TENM2: variants seen among roughly 807,000 people sequenced by gnomAD.
The protein encoded by TENM2 is teneurin transmembrane protein 2, also known as teneurin-2.
TENM2 carries 52 observed loss-of-function variants against 245.2 expected under a neutral mutation model. That is an observed-to-expected ratio of 0.21 (90% confidence interval 0.17 to 0.27). TENM2 has a LOEUF of 0.27. Ranked by LOEUF, TENM2 falls within the 10% of genes least tolerant of loss-of-function variation. The pLI is 1.00. For missense variants in TENM2, 3,046 were observed against 3,666.8 expected (o/e 0.83, Z 4.37); for synonymous variants, 1,363 against 1,438.9 (o/e 0.95, Z 1.19).
chr5:167,525,474 G>A lies in TENM2; in HGVS notation c.502+150001G>A, dbSNP rs368168058. On this transcript the variant is annotated intron_variant, in intron 2 of 28. Coordinates refer to ENST00000518659, the Ensembl canonical transcript of TENM2. ...GCAACATATGGCTCAGCTCTACTGAGATTTGTTATCATAAAAGAATGCATG... is the reference window on the plus strand; with the variant it reads ...GCAACATATGGCTCAGCTCTACTGAAATTTGTTATCATAAAAGAATGCATG... Among the ~76,000 whole-genome samples the A allele has an allele frequency of 5.3e-5, 8 of 152,206 alleles. No individual in the cohort carries two copies. The East Asian group carries it at 1.4e-3, about 26-fold the overall frequency.
chr5:167,701,537 A>T (rs1420982884), intron 2 of TENM2, among the ~76,000 whole-genome samples: 1 of 152,188 alleles, frequency 6.6e-6, no homozygotes, highest in Non-Finnish European at 1.5e-5. Context: ...GTAATATTTG[A>T]GACCATTGAC....
chr5:167,164,522 T>C, the TENM2 span, among the ~76,000 whole-genome samples: 2 of 152,334 alleles, frequency 1.3e-5, no homozygotes, highest in African/African-American at 4.8e-5. Flanking sequence ...ACATTATAAG[T>C]ATTTAGGAAT....
chr5:167,510,774 A>T (rs1262257202), intron 2 of TENM2, among the ~76,000 whole-genome samples: 3 of 152,176 alleles, frequency 2.0e-5, no homozygotes, highest in African/African-American at 7.2e-5. Context: ...TCCACCTATG[A>T]TTATATCTAC....
intron 13 of TENM2, 139 bp from the exon 16 acceptor site, chr5:168,190,198 C>T: frequency 1.7e-6 from 1 of 599,862 alleles, no homozygotes; most frequent in Non-Finnish European, 3.0e-6. Flanking sequence ...ATGAGGCTTG[C>T]TGTGTGAAAC....
the TENM2 span, among the ~76,000 whole-genome samples, chr5:167,129,761 T>C: frequency 6.6e-6 from 1 of 152,218 alleles, no homozygotes; most frequent in Non-Finnish European, 1.5e-5. Context: ...CTTAATGGAC[T>C]CTGGCTGTGA....
chr5:167,054,492 T>A, the TENM2 span, among the ~76,000 whole-genome samples: 1 of 152,184 alleles, frequency 6.6e-6, no homozygotes. Context: ...ACTGTAAACA[T>A]CTGTGTGCAG....
chr5:167,628,902 T>C (rs1778688212), intron 2 of TENM2, among the ~76,000 whole-genome samples: 1 of 152,232 alleles, frequency 6.6e-6, no homozygotes, highest in Non-Finnish European at 1.5e-5. Context: ...ATTGCTTGCA[T>C]TGTTTTCCGA....
intron 1 of TENM2, among the ~76,000 whole-genome samples, chr5:167,305,094 G>A (rs1234095050): frequency 6.6e-6 from 1 of 152,116 alleles, no homozygotes; most frequent in Non-Finnish European, 1.5e-5. Flanking sequence ...CTCTCCAAAA[G>A]GCAACCTTTC....
intron 2 of TENM2, among the ~76,000 whole-genome samples, chr5:167,846,148 C>A (rs1228479933): frequency 1.3e-5 from 2 of 152,204 alleles, no homozygotes; most frequent in Non-Finnish European, 2.9e-5. Context: ...GTTGACAATG[C>A]AGCCACCTAT....
In TENM2 at chr5:167,904,872, A is replaced by G. The variant is rs58533040; in HGVS notation, c.712+28677A>G. Among the ~76,000 whole-genome samples the G allele has an allele frequency of 1.6e-3, 250 of 152,330 alleles. 1 individual carries two copies. The highest frequency in any genetic ancestry group is 5.7e-3 in the African/African-American group (237 of 41,570). On this transcript the variant is annotated intron_variant, in intron 3 of 28. Coordinates refer to ENST00000518659, the Ensembl canonical transcript of TENM2. ...AACCCTTCAGTCTTGGGCAAAAGGG[A>G]CAGTTGGTCACTTTGACTTTAGGGT...
At chr5:167,054,208 C>A in the TENM2 span, among the ~76,000 whole-genome samples, 1 of 92,198 alleles carries the variant, frequency 1.1e-5, no homozygotes, top group Admixed American at 8.4e-5. Context: ...CTATCTCCTG[C>A]TAATTCCTGT....
chr5:168,230,820 G>A (rs1562311708), intron 25 of TENM2: 1 of 152,206 alleles, frequency 6.6e-6, no homozygotes, highest in Non-Finnish European at 1.5e-5. Flanking sequence ...TCATGGAGAA[G>A]ACAATATTAG....
chr5:167,647,592 C>T (rs564460242), intron 2 of TENM2, among the ~76,000 whole-genome samples: 46 of 152,072 alleles, frequency 3.0e-4, no homozygotes, highest in African/African-American at 1.1e-3. Context: ...CATTGCTCTC[C>T]AGCCCGGGCA....
intron 2 of TENM2, among the ~76,000 whole-genome samples, chr5:167,578,050 A>G (rs1045145813): frequency 6.6e-6 from 1 of 152,210 alleles, no homozygotes; most frequent in African/African-American, 2.4e-5. Flanking sequence ...AACCGATGCT[A>G]GTATGATGGA....
At chr5:167,558,096 A>G (rs1312087012) in intron 2 of TENM2, among the ~76,000 whole-genome samples, 1 of 152,154 alleles carries the variant, frequency 6.6e-6, no homozygotes, top group South Asian at 2.1e-4. Flanking sequence ...AAGCAGAACC[A>G]CTAAGGAATG....
chr5:167,191,224 A>G, the TENM2 span, among the ~76,000 whole-genome samples: 1 of 152,216 alleles, frequency 6.6e-6, no homozygotes, highest in South Asian at 2.1e-4. Context: ...ACACACATAC[A>G]TATATGTTAC....
chr5:168,098,392 G>A (rs998021413), intron 9 of TENM2, among the ~76,000 whole-genome samples: 7 of 152,098 alleles, frequency 4.6e-5, no homozygotes, highest in South Asian at 2.1e-4. Context: ...TGAGATGGTC[G>A]GATTTCCTGT....
intron 25 of TENM2, among the ~76,000 whole-genome samples, chr5:168,238,278 A>AGAAAAGAAAG (rs1765778724): frequency 6.7e-6 from 1 of 148,966 alleles, no homozygotes; most frequent in East Asian, 2.0e-4. Context: ...AGAAAAGAAA[A>AGAAAAGAAAG]GAAAAGAAAA....
the TENM2 span, among the ~76,000 whole-genome samples, chr5:167,116,003 C>G: frequency 2.6e-5 from 4 of 152,136 alleles, no homozygotes; most frequent in African/African-American, 9.7e-5. Flanking sequence ...AAGGGAGATA[C>G]TTTTAAAATA....
Sources: allele counts gnomAD v4.1 joint callset (sites outside exome capture counted in the v4.1 genomes callset), GRCh38; gene constraint gnomAD v4.1.1; transcripts MANE v1.5; gene names NCBI Gene and HGNC (gene_info 2026-07-23, HGNC 2026-07-21).